EMP2: variants seen among roughly 807,000 people sequenced by gnomAD.
The protein encoded by EMP2 is epithelial membrane protein 2.
In EMP2, 19 loss-of-function variants were observed where a neutral mutation model predicts 13.7. The observed-to-expected ratio is 1.38, with a 90% CI of 0.97 to 2.03. The LOEUF is 2.03. Among genes scored for constraint, EMP2 ranks in the 30% most tolerant of loss-of-function variants. The pLI, the probability that EMP2 is intolerant of heterozygous loss-of-function variation, is 0.00. For synonymous variants in EMP2, 97 were observed against 84.7 expected, an observed-to-expected ratio of 1.15 and a Z score of -0.80; for missense variants, 253 against 220.7, an observed-to-expected ratio of 1.15 and a Z score of -0.93.
chr16:10,543,715 T>A, intron 2 of EMP2, 55 bp from the exon 3 acceptor site: 1 of 1,555,996 alleles, frequency 6.4e-7, no homozygotes, highest in African/African-American at 1.4e-5. Flanking sequence ...ATGCAAACAC[T>A]GACTGCTAAT....
At chr16:10,576,860 C>T (rs942648359) in intron 1 of EMP2, 2 of 152,296 alleles carry the variant, frequency 1.3e-5, no homozygotes, top group Admixed American at 6.5e-5. Flanking sequence ...CTCCTTCCTC[C>T]CTATATCCCG....
intron 1 of EMP2, among the ~76,000 whole-genome samples, chr16:10,567,244 T>C (rs7199627): frequency 0.1 from 15,274 of 152,254 alleles, 913 homozygotes; most frequent in South Asian, 0.21. Flanking sequence ...CAGTGCCTGG[T>C]CCACAGCAGA....
chr16:10,562,850 C>A (rs951042115), intron 1 of EMP2, among the ~76,000 whole-genome samples: 1 of 152,194 alleles, frequency 6.6e-6, no homozygotes, highest in African/African-American at 2.4e-5. Flanking sequence ...TAACTGCCAT[C>A]CTGCCAATGA....
intron 1 of EMP2, among the ~76,000 whole-genome samples, chr16:10,566,011 T>C (rs1596380678): frequency 1.3e-5 from 2 of 152,216 alleles, no homozygotes; most frequent in African/African-American, 4.8e-5. Context: ...GGCGCTGGTG[T>C]GACCATGAGA....
chr16:10,568,938 C>T (rs1225076535), intron 1 of EMP2, among the ~76,000 whole-genome samples: 5 of 151,962 alleles, frequency 3.3e-5, no homozygotes, highest in Non-Finnish European at 5.9e-5. Context: ...ATGCGCCTGC[C>T]ACCACGCCAG....
At chr16:10,568,495 C>T (rs987188303) in intron 1 of EMP2, among the ~76,000 whole-genome samples, 2 of 152,130 alleles carry the variant, frequency 1.3e-5, no homozygotes, top group African/African-American at 4.8e-5. Context: ...CTTATTTTCC[C>T]AACACCAAGA....
chr16:10,566,180 C>A (rs998022271), intron 1 of EMP2, among the ~76,000 whole-genome samples: 1 of 152,314 alleles, frequency 6.6e-6, no homozygotes, highest in Non-Finnish European at 1.5e-5. Context: ...CATTTGTCTA[C>A]CACCTTCTCG....
chr16:10,567,291 T>G (rs1291086497), intron 1 of EMP2, among the ~76,000 whole-genome samples: 1 of 152,206 alleles, frequency 6.6e-6, no homozygotes, highest in African/African-American at 2.4e-5. Context: ...GGATGCTGTT[T>G]TCAAGAGTGT....
At chr16:10,565,766 C>G (rs1204779763) in intron 1 of EMP2, among the ~76,000 whole-genome samples, 1 of 152,144 alleles carries the variant, frequency 6.6e-6, no homozygotes, top group East Asian at 1.9e-4. Flanking sequence ...TGAGCCAGCA[C>G]CATGGGAACC....
At position 10,529,049 on chromosome 16, in the gene EMP2, ACAAGT is replaced by A. The variant is rs1392393470; in HGVS notation, c.*3851_*3855del. On this transcript the variant is annotated 3_prime_UTR_variant, in exon 5 of 5. Coordinates refer to ENST00000359543, the MANE Select transcript of EMP2 (RefSeq NM_001424.6). ...TATATATACACATTCACACAGACCA[ACAAGT>A]CAAGCATTCTCCAAACTCATTTGAA... The A allele has an allele frequency of 6.6e-6, 1 of 152,232 alleles. No individual in the cohort carries two copies. The highest frequency in any genetic ancestry group is 1.5e-5 in the Non-Finnish European group (1 of 68,042). The allele number at this position is 152,232 out of a possible 1,614,324, so 9.4% of individuals were successfully genotyped here. A position where few individuals can be genotyped will look rare whatever the true frequency, so the allele number is the denominator to read the frequency against.
chr16:10,532,866 G>C lies in EMP2; in HGVS notation c.*39C>G, dbSNP rs749017621. The C allele has an allele frequency of 1.6e-6, 2 of 1,256,110 alleles. No individual in the cohort carries two copies. Among genetic ancestry groups the C allele is most frequent in the Admixed American group, 6.7e-5 (2 of 29,948 alleles). The allele number at this position is 1,256,110 out of a possible 1,614,324, so 77.8% of individuals were successfully genotyped here. A position where few individuals can be genotyped will look rare whatever the true frequency, so the allele number is the denominator to read the frequency against. ...TATACAAAATGGTTATCTGAATGTG[G>C]ATTCTGTACTGCAGCAGAAGCAACC... On this transcript the variant is annotated 3_prime_UTR_variant, in exon 5 of 5. Transcript: ENST00000359543.
chr16:10,542,995 A>T (rs759427679), intron 3 of EMP2, among the ~76,000 whole-genome samples: 3 of 152,148 alleles, frequency 2.0e-5, no homozygotes, highest in Non-Finnish European at 4.4e-5. Context: ...ACAGGCGTGC[A>T]CCACCACGCC....
intron 3 of EMP2, among the ~76,000 whole-genome samples, chr16:10,542,209 G>C (rs2050705081): frequency 2.0e-5 from 3 of 152,000 alleles, no homozygotes; most frequent in Non-Finnish European, 1.5e-5. Context: ...ACCAGCCTGG[G>C]CAACATGGTG....
intron 1 of EMP2, among the ~76,000 whole-genome samples, chr16:10,552,619 T>C (rs2050796813): frequency 6.6e-6 from 1 of 152,228 alleles, no homozygotes; most frequent in African/African-American, 2.4e-5. Context: ...TCTGAGTTTA[T>C]TGTATTTATT....
At chr16:10,553,330 C>T (rs993708336) in intron 1 of EMP2, among the ~76,000 whole-genome samples, 5 of 152,240 alleles carry the variant, frequency 3.3e-5, no homozygotes, top group East Asian at 3.8e-4. Context: ...CTTCACTCCA[C>T]GTTTCCGTGT....
Position 10,530,795 on chromosome 16 carries a change from G to A in EMP2, c.*2110C>T, listed in dbSNP as rs1388518578. On this transcript the variant is annotated 3_prime_UTR_variant, in exon 5 of 5. Transcript: ENST00000359543. The stretch of plus-strand genomic sequence containing the variant: ...CACCGCATTTACTGTCGGGACCATG[G>A]GCCCCTCCACAGACATGTTTTCTGG... The A allele has an allele frequency of 6.6e-6, 1 of 152,168 alleles. No individual in the cohort carries two copies. The highest frequency in any genetic ancestry group is 6.5e-5 in the Admixed American group (1 of 15,274). The allele number at this position is 152,168 out of a possible 1,614,324, so 9.4% of individuals were successfully genotyped here.
chr16:10,563,729 C>A (rs1288850336), intron 1 of EMP2, among the ~76,000 whole-genome samples: 1 of 152,242 alleles, frequency 6.6e-6, no homozygotes, highest in Non-Finnish European at 1.5e-5. Context: ...TTGAGCCAGA[C>A]TGACTGGACT....
chr16:10,572,016 A>G (rs1238774124), intron 1 of EMP2, among the ~76,000 whole-genome samples: 1 of 152,234 alleles, frequency 6.6e-6, no homozygotes. Context: ...AGAGGACTCA[A>G]GGCTCCCTGG....
chr16:10,574,750 C>A (rs866105785), intron 1 of EMP2, among the ~76,000 whole-genome samples: 6 of 151,894 alleles, frequency 4.0e-5, no homozygotes, highest in Non-Finnish European at 2.9e-5. Flanking sequence ...CAGGGTTTCA[C>A]CATGTTAGCC....
Sources: allele counts gnomAD v4.1 joint callset (sites outside exome capture counted in the v4.1 genomes callset), GRCh38; gene constraint gnomAD v4.1.1; transcripts MANE v1.5; gene names NCBI Gene and HGNC (gene_info 2026-07-23, HGNC 2026-07-21).